SEPTIN9: variants seen among roughly 807,000 people sequenced by gnomAD.
The protein encoded by SEPTIN9 is septin-9.
A neutral mutation model predicts 56.6 loss-of-function variants in SEPTIN9; 13 were observed. That is an observed-to-expected ratio of 0.23 (90% CI 0.15 to 0.37). The LOEUF (loss-of-function observed/expected upper bound fraction) is 0.37, where lower values mean the gene tolerates loss of function less well. SEPTIN9 is among the 10% of genes least tolerant of loss of function. SEPTIN9 has a pLI of 1.00. For synonymous variants in SEPTIN9, 332 were observed against 334.1 expected (o/e 0.99, Z 0.07); for missense variants, 650 against 823.1 (o/e 0.79, Z 2.57).
chr17:77,311,303 T>G (rs1354507460), intron 2 of SEPTIN9, among the ~76,000 whole-genome samples: 1 of 144,026 alleles, frequency 6.9e-6, no homozygotes. Flanking sequence ...GCCTCCAGCA[T>G]GGGAGAGAAC....
intron 3 of SEPTIN9, among the ~76,000 whole-genome samples, chr17:77,423,564 T>C (rs1016689429): frequency 7.2e-4 from 110 of 152,352 alleles, no homozygotes; most frequent in African/African-American, 2.5e-3. Context: ...GAACGGGAGC[T>C]GGCCCTGGCC....
At chr17:77,324,700 G>T (rs2033065185) in intron 2 of SEPTIN9, among the ~76,000 whole-genome samples, 1 of 152,116 alleles carries the variant, frequency 6.6e-6, no homozygotes, top group Non-Finnish European at 1.5e-5. Context: ...GATTGTTGTT[G>T]CTGAGTGTTA....
intron 1 of SEPTIN9, among the ~76,000 whole-genome samples, chr17:77,290,579 G>T (rs2031498363): frequency 6.6e-6 from 1 of 151,688 alleles, no homozygotes; most frequent in South Asian, 2.1e-4. Flanking sequence ...TGTAATCCCA[G>T]CACTTTGAGA....
intron 2 of SEPTIN9, among the ~76,000 whole-genome samples, chr17:77,401,447 G>A (rs1002274462): frequency 2.0e-5 from 3 of 152,112 alleles, no homozygotes; most frequent in East Asian, 1.9e-4. Context: ...AAACAGCCGC[G>A]ACAAGAAGGA....
In SEPTIN9 at chr17:77,365,651, G is replaced by A. The variant is rs771973092; in HGVS notation, c.77-36408G>A. Among the ~76,000 whole-genome samples the A allele has an allele frequency of 3.8e-4, 58 of 152,264 alleles. 1 individual carries two copies. Among genetic ancestry groups the A allele is most frequent in the South Asian group, 1.0e-3 (5 of 4,824 alleles). ...CTTCTGAGCGGGTGCAGAAGAGGGAGGGCATGTTCCTGCTCCCTGCCCTTC... is the reference window on the plus strand; with the variant it reads ...CTTCTGAGCGGGTGCAGAAGAGGGAAGGCATGTTCCTGCTCCCTGCCCTTC... On this transcript the variant is annotated intron_variant, in intron 2 of 11. Transcript: ENST00000427177.
rs769186249 is a variant in SEPTIN9 at position 77,498,506 on chromosome 17, G to A, written c.1626-17G>A. The stretch of plus-strand genomic sequence containing the variant: ...CTGCGCCCACCTCACTGACCCGCCC[G>A]CCCCCCACCCCCACAGGACGCACAT... On this transcript the variant is annotated splice_polypyrimidine_tract_variant and intron_variant, in intron 11 of 11. Coordinates refer to ENST00000427177, the MANE Select transcript of SEPTIN9 (RefSeq NM_001113491.2). 7.5e-5 allele frequency: 38 copies of A among 505,392 alleles called. No homozygotes were observed. Among genetic ancestry groups the A allele is most frequent in the Admixed American group, 2.8e-4 (4 of 14,490 alleles). The allele number at this position is 505,392 out of a possible 1,614,324, so 31.3% of individuals were successfully genotyped here. A position where few individuals can be genotyped will look rare whatever the true frequency, so the allele number is the denominator to read the frequency against.
At chr17:77,418,181 G>A (rs966774232) in intron 3 of SEPTIN9, among the ~76,000 whole-genome samples, 2 of 152,210 alleles carry the variant, frequency 1.3e-5, no homozygotes, top group Non-Finnish European at 2.9e-5. Context: ...GGACACAGGT[G>A]TGGACAGGAT....
rs76243017 is a variant in SEPTIN9 at position 77,330,544 on chromosome 17, T to C, written c.76+23347T>C. On this transcript the variant is annotated intron_variant, in intron 2 of 11. Coordinates refer to ENST00000427177, the MANE Select transcript of SEPTIN9 (RefSeq NM_001113491.2). The surrounding 1 kb of genome is among the most constrained non-coding windows in gnomAD (Gnocchi z 4.4). ...TTCCTCCGTTCTCCCCTGGGCAGTG[T>C]TTCTGTTCACCTGGAAAGGATGGGT... 2.2e-3 allele frequency among the ~76,000 whole-genome samples: 328 copies of C among 152,302 alleles called. 1 individual carries two copies. The highest frequency in any genetic ancestry group is 7.6e-3 in the African/African-American group (316 of 41,562).
intron 3 of SEPTIN9, chr17:77,454,480 G>A: frequency 1.5e-6 from 1 of 650,696 alleles, no homozygotes; most frequent in Non-Finnish European, 1.9e-6. Flanking sequence ...TGAGGAATTG[G>A]CTGGGAAGGC....
chr17:77,420,588 C>G (rs74556153), intron 3 of SEPTIN9, among the ~76,000 whole-genome samples: 2,467 of 152,270 alleles, frequency 0.016, 76 homozygotes, highest in African/African-American at 0.056. Flanking sequence ...CTGAGCTGTC[C>G]TCCTGGTGGA....
rs968764971 is a variant in SEPTIN9 at position 77,317,914 on chromosome 17, G to A, written c.76+10717G>A. 2.0e-5 allele frequency among the ~76,000 whole-genome samples: 3 copies of A among 152,128 alleles called. No homozygotes were observed. The highest frequency in any genetic ancestry group is 4.4e-5 in the Non-Finnish European group (3 of 68,026). The stretch of plus-strand genomic sequence containing the variant: ...AAAAATACAAAAATTAGCCGGACAC[G>A]GTGGCAGGCGTCTGTAGTCCCAGCT... On this transcript the variant is annotated intron_variant, in intron 2 of 11. Coordinates refer to ENST00000427177, the MANE Select transcript of SEPTIN9 (RefSeq NM_001113491.2). This position sits in a 1 kb window ranked among gnomAD's most constrained non-coding sequence, Gnocchi z 4.2.
rs1393438603 is a variant in SEPTIN9, at chr17:77,281,567, C to T, written c.19+13C>T. The T allele has an allele frequency of 1.9e-6, 3 of 1,538,876 alleles. No homozygotes were observed. The African/African-American group carries it at 4.2e-5, about 22-fold the overall frequency. ...AAGTCTTACTCAGGTGGGCTTCGCGCCCGGGGTGGGGAGGGGTCGGTGTCC... is the reference window on the plus strand; with the variant it reads ...AAGTCTTACTCAGGTGGGCTTCGCGTCCGGGGTGGGGAGGGGTCGGTGTCC... On this transcript the variant is annotated intron_variant, in intron 1 of 11. Coordinates refer to ENST00000427177, the MANE Select transcript of SEPTIN9 (RefSeq NM_001113491.2).
chr17:77,318,975 G>C lies in SEPTIN9; in HGVS notation c.76+11778G>C, dbSNP rs1172045748. Among the ~76,000 whole-genome samples, 6 of 152,216 alleles carry C rather than the reference G, an allele frequency of 3.9e-5. No homozygotes were observed. Among genetic ancestry groups the C allele is most frequent in the African/African-American group, 1.4e-4 (6 of 41,444 alleles). On this transcript the variant is annotated intron_variant, in intron 2 of 11. Coordinates refer to ENST00000427177, the MANE Select transcript of SEPTIN9 (RefSeq NM_001113491.2). This position sits in a 1 kb window ranked among gnomAD's most constrained non-coding sequence, Gnocchi z 4.9. ...TGAAAAGTGTTTTGTCTGAAGAGCA[G>C]AACTGTCTTATACCAGCCCTGTGCG...
intron 1 of SEPTIN9, among the ~76,000 whole-genome samples, chr17:77,293,396 A>G (rs2031661068): frequency 6.6e-6 from 1 of 152,122 alleles, no homozygotes; most frequent in South Asian, 2.1e-4. Context: ...TCCTGGGTTT[A>G]TGTGATCCTC....
intron 2 of SEPTIN9, among the ~76,000 whole-genome samples, chr17:77,377,530 G>A (rs2143941374): frequency 6.6e-6 from 1 of 151,844 alleles, no homozygotes; most frequent in South Asian, 2.1e-4. Flanking sequence ...CAGGACCCAC[G>A]TGCTCAGATC....
intron 3 of SEPTIN9, chr17:77,427,084 A>T (rs1268815118): frequency 6.6e-6 from 1 of 152,262 alleles, no homozygotes; most frequent in Non-Finnish European, 1.5e-5. Context: ...GGAGCTAAGA[A>T]GGAGTCAGAG....
At chr17:77,349,190 C>T (rs567652061) in intron 2 of SEPTIN9, among the ~76,000 whole-genome samples, 1 of 152,170 alleles carries the variant, frequency 6.6e-6, no homozygotes, top group South Asian at 2.1e-4. Context: ...CCAATCTCAA[C>T]TCACCAACCT....
chr17:77,319,258 G>T lies in SEPTIN9; in HGVS notation c.76+12061G>T, dbSNP rs1339657309. Among the ~76,000 whole-genome samples, 1 of 152,204 alleles carries T rather than the reference G, an allele frequency of 6.6e-6. No homozygotes were observed. The highest frequency in any genetic ancestry group is 1.5e-5 in the Non-Finnish European group (1 of 68,046). The stretch of plus-strand genomic sequence containing the variant: ...CACATTGTAAACCCCCACCTGCTCT[G>T]CTGAGCCCTTGGCCTCAGCATGGAC... On this transcript the variant is annotated intron_variant, in intron 2 of 11. Transcript: ENST00000427177. The surrounding 1 kb of genome is among the most constrained non-coding windows in gnomAD (Gnocchi z 5.3).
chr17:77,366,066 T>C (rs979970687), intron 2 of SEPTIN9, among the ~76,000 whole-genome samples: 5 of 152,178 alleles, frequency 3.3e-5, no homozygotes, highest in Non-Finnish European at 5.9e-5. Context: ...GCATGAGTTC[T>C]AGCCAAGCCT....
Sources: gnomAD v4.1 joint callset for allele counts (sites outside exome capture counted in the v4.1 genomes callset) on GRCh38, gnomAD v4.1.1 for gene constraint, Gnocchi (gnomAD v3.1) non-coding constraint, MANE v1.5 for transcripts, NCBI Gene and HGNC (gene_info 2026-07-23, HGNC 2026-07-21) for gene names.